The following TMED3 variants were observed in gnomAD, a reference collection of about 807,000 sequenced individuals.
The protein encoded by TMED3 is transmembrane emp24 domain-containing protein 3.
A neutral mutation model predicts 15.0 loss-of-function variants in TMED3; 9 were observed. The observed-to-expected ratio is 0.60, with a 90% CI of 0.36 to 1.04. The LOEUF (loss-of-function observed/expected upper bound fraction) is 1.04. TMED3 is among the 50% of genes least tolerant of loss of function. The pLI, the probability that TMED3 is intolerant of heterozygous loss-of-function variation, is 0.01. For synonymous variants in TMED3, 117 were observed against 121.4 expected, an observed-to-expected ratio of 0.96 and a Z score of 0.24; for missense variants, 267 against 278.9, an observed-to-expected ratio of 0.96 and a Z score of 0.30.
intron 2 of TMED3, among the ~76,000 whole-genome samples, chr15:79,402,451 A>G (rs1206723915): frequency 2.6e-5 from 4 of 152,214 alleles, no homozygotes; most frequent in African/African-American, 4.8e-5. Context: ...ATACCTGCAC[A>G]AAGCTGATTG....
At chr15:79,353,190 T>TTATAC in intron 2 of TMED3, among the ~76,000 whole-genome samples, 1 of 53,250 alleles carries the variant, frequency 1.9e-5, no homozygotes, top group Non-Finnish European at 3.1e-5. Context: ...ATAAAATATA[T>TTATAC]ATAATATATA....
intron 2 of TMED3, among the ~76,000 whole-genome samples, chr15:79,385,804 C>G (rs906160585): frequency 6.6e-6 from 1 of 152,228 alleles, no homozygotes; most frequent in South Asian, 2.1e-4. Flanking sequence ...GAACCCCCAA[C>G]TTAGAAGGGG....
intron 2 of TMED3, among the ~76,000 whole-genome samples, chr15:79,350,193 G>A (rs1194041190): frequency 7.2e-5 from 11 of 152,176 alleles, no homozygotes; most frequent in Admixed American, 7.2e-4. Context: ...TAGATAAATG[G>A]ATGAATAGCT....
intron 2 of TMED3, among the ~76,000 whole-genome samples, chr15:79,360,583 C>A (rs1454020390): frequency 6.6e-6 from 1 of 152,216 alleles, no homozygotes; most frequent in Non-Finnish European, 1.5e-5. Context: ...TGTAGTGTGT[C>A]ACTGTAAAAC....
chr15:79,381,072 A>C (rs1893525723), intron 2 of TMED3, among the ~76,000 whole-genome samples: 1 of 152,190 alleles, frequency 6.6e-6, no homozygotes, highest in African/African-American at 2.4e-5. Context: ...GATTTTAAGA[A>C]TGACAGTCGA....
At chr15:79,376,978 C>T (rs1893436216) in intron 2 of TMED3, among the ~76,000 whole-genome samples, 2 of 152,082 alleles carry the variant, frequency 1.3e-5, no homozygotes, top group Non-Finnish European at 2.9e-5. Flanking sequence ...TGACTACTTA[C>T]TGGTAGGTCT....
chr15:79,366,061 T>TA (rs1314177166), intron 2 of TMED3, among the ~76,000 whole-genome samples: 1 of 152,156 alleles, frequency 6.6e-6, no homozygotes, highest in Admixed American at 6.5e-5. Flanking sequence ...GTTCAGGACA[T>TA]ATAAACAAAA....
chr15:79,340,936 G>A (rs1396674478), intron 2 of TMED3, among the ~76,000 whole-genome samples: 1 of 152,172 alleles, frequency 6.6e-6, no homozygotes, highest in African/African-American at 2.4e-5. Context: ...ATTCATGCCT[G>A]CAATCCCAGC....
exon 3 of TMED3, chr15:79,413,266 G>T (rs1337226231): frequency 6.6e-6 from 1 of 152,194 alleles, no homozygotes. Context: ...TTCAGAGAAG[G>T]ACTGTAGCTG....
intron 2 of TMED3, among the ~76,000 whole-genome samples, chr15:79,336,004 C>T (rs564896443): frequency 6.6e-6 from 1 of 152,162 alleles, no homozygotes; most frequent in Non-Finnish European, 1.5e-5. Context: ...AATCTTTTCC[C>T]AAGGCTATGC....
chr15:79,365,042 T>C (rs569581075), intron 2 of TMED3, among the ~76,000 whole-genome samples: 6 of 152,372 alleles, frequency 3.9e-5, no homozygotes, highest in African/African-American at 1.2e-4. Flanking sequence ...CTTGGTCTCC[T>C]GCATCTGTCC....
At chr15:79,393,232 A>G (rs1205351568) in intron 2 of TMED3, among the ~76,000 whole-genome samples, 1 of 152,236 alleles carries the variant, frequency 6.6e-6, no homozygotes, top group Non-Finnish European at 1.5e-5. Flanking sequence ...GGAAGCTATT[A>G]GTATTTCTAG....
chr15:79,331,542 C>CAAAAAAAAAAAAAAAAAAAAA (rs71451761), intron 2 of TMED3, among the ~76,000 whole-genome samples: 1 of 89,284 alleles, frequency 1.1e-5, no homozygotes, highest in African/African-American at 4.9e-5. Flanking sequence ...GCAAAAGAAG[C>CAAAAAAAAAAAAAAAAAAAAA]AAAAAAAAAA....
chr15:79,335,357 A>G (rs147111293), intron 2 of TMED3, among the ~76,000 whole-genome samples: 1 of 152,344 alleles, frequency 6.6e-6, no homozygotes, highest in East Asian at 1.9e-4. Flanking sequence ...AAAAGCAAGT[A>G]ACCTGTCAGA....
intron 2 of TMED3, among the ~76,000 whole-genome samples, chr15:79,353,795 A>AT (rs1400032074): frequency 3.9e-5 from 6 of 152,306 alleles, no homozygotes; most frequent in Non-Finnish European, 5.9e-5. Context: ...GAAGTAACAC[A>AT]TCTCTGTAGC....
At chr15:79,367,002 A>G (rs1295821752) in intron 2 of TMED3, among the ~76,000 whole-genome samples, 1 of 152,226 alleles carries the variant, frequency 6.6e-6, no homozygotes, top group Admixed American at 6.5e-5. Flanking sequence ...ATTGTTTTCA[A>G]AAAGCACAGC....
Position 79,322,396 on chromosome 15 carries a change from A to G in TMED3, c.*182A>G, listed in dbSNP as rs991016603. Reference sequence around the variant, plus strand: ...TCAGCAGCTGAAGGTCTCAGAGACCAGTAATCAGAAGGCATCCGACTGCAT... The same window carrying G: ...TCAGCAGCTGAAGGTCTCAGAGACCGGTAATCAGAAGGCATCCGACTGCAT... On this transcript the variant is annotated 3_prime_UTR_variant, in exon 3 of 3. Coordinates refer to ENST00000299705, the MANE Select transcript of TMED3 (RefSeq NM_007364.4). 1.3e-4 allele frequency: 193 copies of G among 1,431,708 alleles called. No homozygotes were observed. The highest frequency in any genetic ancestry group is 1.7e-4 in the Non-Finnish European group (184 of 1,097,024). The allele number at this position is 1,431,708 out of a possible 1,614,324, so 88.7% of individuals were successfully genotyped here.
At chr15:79,382,966 A>G (rs1893561499) in intron 2 of TMED3, 1 of 1,535,348 alleles carries the variant, frequency 6.5e-7, no homozygotes, top group Admixed American at 2.0e-5. Flanking sequence ...TTCTTTTCCA[A>G]GGGTCCCAGT....
At chr15:79,365,138 G>T (rs1893207326) in intron 2 of TMED3, among the ~76,000 whole-genome samples, 1 of 152,266 alleles carries the variant, frequency 6.6e-6, no homozygotes, top group East Asian at 1.9e-4. Context: ...TGTCCTGAGA[G>T]GGGGATCAGG....
Sources: gnomAD v4.1 joint callset for allele counts (sites outside exome capture counted in the v4.1 genomes callset) on GRCh38, gnomAD v4.1.1 for gene constraint, MANE v1.5 for transcripts, NCBI Gene and HGNC (gene_info 2026-07-23, HGNC 2026-07-21) for gene names.